BCKDHB: variants seen among roughly 807,000 people sequenced by gnomAD.
BCKDHB encodes the protein branched chain keto acid dehydrogenase E1 subunit beta, also known as 2-oxoisovalerate dehydrogenase subunit beta, mitochondrial.
Under a neutral mutation model 48.5 loss-of-function variants are expected in BCKDHB, and 41 were observed. The observed-to-expected ratio is 0.85, with a 90% confidence interval of 0.66 to 1.10. The LOEUF (loss-of-function observed/expected upper bound fraction) is 1.10. Among genes scored for constraint, BCKDHB ranks in the 50% least tolerant of loss-of-function variants. BCKDHB has a pLI of 0.00. For synonymous variants in BCKDHB, 201 were observed against 174.8 expected (o/e 1.15, Z -1.18); for missense variants, 496 against 494.2 (o/e 1.00, Z -0.03).
intron 8 of BCKDHB, among the ~76,000 whole-genome samples, chr6:80,228,566 G>A (rs1775777277): frequency 6.6e-6 from 1 of 152,200 alleles, no homozygotes; most frequent in African/African-American, 2.4e-5. Flanking sequence ...GAATTTCTGT[G>A]AGGATGAATA....
the BCKDHB span, chr6:80,374,311 T>C: frequency 1.0e-6 from 1 of 955,766 alleles, no homozygotes; most frequent in Non-Finnish European, 1.7e-6. Flanking sequence ...AATTCAGCAC[T>C]CTTTTTGGGC....
chr6:80,407,542 G>C, the BCKDHB span, among the ~76,000 whole-genome samples: 5 of 152,240 alleles, frequency 3.3e-5, no homozygotes, highest in South Asian at 1.0e-3. Context: ...TTGAGCAGTG[G>C]TTTGTAGTTC....
intron 9 of BCKDHB, among the ~76,000 whole-genome samples, chr6:80,276,848 T>C (rs532094123): frequency 2.0e-5 from 3 of 151,974 alleles, no homozygotes; most frequent in African/African-American, 7.2e-5. Context: ...AACATATATA[T>C]AGAGAGAAAT....
chr6:80,182,319 C>G (rs1249297221), intron 6 of BCKDHB, among the ~76,000 whole-genome samples: 1 of 152,188 alleles, frequency 6.6e-6, no homozygotes, highest in Admixed American at 6.5e-5. Flanking sequence ...AGTTAATAAA[C>G]TGAACTATTC....
rs566108434 is a variant in BCKDHB, at chr6:80,200,765, A to G, written c.743-169A>G. Among the ~76,000 whole-genome samples the G allele has an allele frequency of 2.6e-5, 4 of 152,332 alleles. No individual in the cohort carries two copies. The East Asian group carries it at 5.8e-4, about 22-fold the overall frequency. ...TATTGCATTTATTCATCTGTGCAGT[A>G]ATGTCATGGAGCCATATCATAAATG... On this transcript the variant is annotated intron_variant, in intron 6 of 9. Transcript: ENST00000320393.
At chr6:80,378,417 C>T in the BCKDHB span, among the ~76,000 whole-genome samples, 2 of 151,852 alleles carry the variant, frequency 1.3e-5, no homozygotes, top group African/African-American at 4.8e-5. Context: ...TGATTTTATT[C>T]CTTTTTATGG....
chr6:80,204,526 T>C (rs1774546264), intron 8 of BCKDHB, among the ~76,000 whole-genome samples: 1 of 152,108 alleles, frequency 6.6e-6, no homozygotes, highest in African/African-American at 2.4e-5. Context: ...GCAACATATA[T>C]CCACCACTTA....
chr6:80,209,181 G>C (rs1774806802), intron 8 of BCKDHB, among the ~76,000 whole-genome samples: 1 of 151,912 alleles, frequency 6.6e-6, no homozygotes, highest in Admixed American at 6.6e-5. Context: ...GTGAAGATTA[G>C]TTGCAAAATG....
At chr6:80,108,606 A>C (rs1006490749) in intron 1 of BCKDHB, among the ~76,000 whole-genome samples, 1 of 151,632 alleles carries the variant, frequency 6.6e-6, no homozygotes, top group Admixed American at 6.6e-5. Flanking sequence ...TCACGTCTGT[A>C]ATCCCAGCAC....
intron 8 of BCKDHB, among the ~76,000 whole-genome samples, chr6:80,253,918 A>T (rs905663624): frequency 1.6e-4 from 25 of 151,962 alleles, no homozygotes; most frequent in African/African-American, 5.3e-4. Context: ...AATAGAAATT[A>T]AAAAAATCTA....
intron 8 of BCKDHB, among the ~76,000 whole-genome samples, chr6:80,233,220 C>A (rs1024121341): frequency 1.3e-5 from 2 of 152,064 alleles, no homozygotes; most frequent in Non-Finnish European, 2.9e-5. Flanking sequence ...ATTCCAGGAA[C>A]GGATAAAAAT....
the BCKDHB span, among the ~76,000 whole-genome samples, chr6:80,369,026 A>AAT: frequency 3.9e-3 from 48 of 12,328 alleles, 4 homozygotes; most frequent in African/African-American, 4.1e-3. Flanking sequence ...AAAAAAAAAA[A>AAT]CAAAAGAAAA....
At chr6:80,196,925 T>G (rs1235853871) in intron 6 of BCKDHB, among the ~76,000 whole-genome samples, 1 of 152,214 alleles carries the variant, frequency 6.6e-6, no homozygotes, top group Non-Finnish European at 1.5e-5. Flanking sequence ...CTTGAAAAGA[T>G]TTCTTATTTT....
chr6:80,376,637 C>T, the BCKDHB span, among the ~76,000 whole-genome samples: 1,021 of 152,302 alleles, frequency 6.7e-3, 16 homozygotes, highest in African/African-American at 0.023. Context: ...CAAGTTAGTC[C>T]TGTCTCCTGT....
At chr6:80,175,122 C>T (rs927037084) in intron 6 of BCKDHB, among the ~76,000 whole-genome samples, 23 of 152,186 alleles carry the variant, frequency 1.5e-4, no homozygotes, top group Admixed American at 1.3e-4. Flanking sequence ...ACTGTGCTGT[C>T]TTCAACATGT....
intron 9 of BCKDHB, among the ~76,000 whole-genome samples, chr6:80,290,905 G>C (rs1266716980): frequency 6.6e-6 from 1 of 152,192 alleles, no homozygotes; most frequent in Non-Finnish European, 1.5e-5. Flanking sequence ...GTAACTTGTT[G>C]ACATTGTATG....
chr6:80,185,651 G>A (rs771247329), intron 6 of BCKDHB, among the ~76,000 whole-genome samples: 1 of 152,136 alleles, frequency 6.6e-6, no homozygotes, highest in Non-Finnish European at 1.5e-5. Context: ...CTGGAGATGG[G>A]ACTTCCTGAG....
At chr6:80,154,873 C>A (rs1391325201) in intron 3 of BCKDHB, among the ~76,000 whole-genome samples, 1 of 152,068 alleles carries the variant, frequency 6.6e-6, no homozygotes, top group East Asian at 1.9e-4. Flanking sequence ...ATACCCATTT[C>A]TTTAATAAGT....
intron 8 of BCKDHB, among the ~76,000 whole-genome samples, chr6:80,218,693 C>G (rs1184226265): frequency 6.6e-6 from 1 of 152,128 alleles, no homozygotes; most frequent in Non-Finnish European, 1.5e-5. Context: ...CTTTTGACCT[C>G]TCACTATGTA....
Sources: gnomAD v4.1 joint callset for allele counts (sites outside exome capture counted in the v4.1 genomes callset) on GRCh38, gnomAD v4.1.1 for gene constraint, MANE v1.5 for transcripts, NCBI Gene and HGNC (gene_info 2026-07-23, HGNC 2026-07-21) for gene names.